Variants in PEAK1 observed in about 807,000 individuals in gnomAD.
PEAK1 encodes the protein inactive tyrosine-protein kinase PEAK1.
Under a neutral mutation model 124.7 loss-of-function variants are expected in PEAK1, and 54 were observed. The ratio of observed to expected loss-of-function variants is 0.43; its 90% confidence interval spans 0.35 to 0.54. The LOEUF is 0.54. Among genes scored for constraint, PEAK1 ranks in the 20% least tolerant of loss-of-function variants. The pLI, the probability that PEAK1 is intolerant of heterozygous loss-of-function variation, is 0.01. For synonymous variants in PEAK1, 719 were observed against 760.0 expected, an observed-to-expected ratio of 0.95 and a Z score of 0.89; for missense variants, 2,046 against 2,134.5, an observed-to-expected ratio of 0.96 and a Z score of 0.82.
chr15:77,254,115 T>C (rs1275809617), intron 5 of PEAK1, among the ~76,000 whole-genome samples: 2 of 152,150 alleles, frequency 1.3e-5, no homozygotes, highest in Non-Finnish European at 2.9e-5. Flanking sequence ...CCACTGCGCC[T>C]GGCCTATCTT....
intron 6 of PEAK1, among the ~76,000 whole-genome samples, chr15:77,247,880 A>AT (rs1180687775): frequency 5.3e-5 from 8 of 151,836 alleles, no homozygotes; most frequent in African/African-American, 1.9e-4. Context: ...ATTTGCCAAT[A>AT]TTTTCTTGAA....
intron 6 of PEAK1, among the ~76,000 whole-genome samples, chr15:77,224,880 A>G (rs2059559113): frequency 1.3e-5 from 2 of 151,854 alleles, no homozygotes; most frequent in Non-Finnish European, 2.9e-5. Context: ...GGTTTTGCCC[A>G]TCTCTTTCCA....
chr15:77,306,075 T>G (rs1392778377), intron 2 of PEAK1, among the ~76,000 whole-genome samples: 1 of 152,208 alleles, frequency 6.6e-6, no homozygotes, highest in African/African-American at 2.4e-5. Context: ...CCAAATTTTA[T>G]ATACACTGTA....
At chr15:77,417,341 G>T (rs768173347) in intron 1 of PEAK1, 3 of 982,952 alleles carry the variant, frequency 3.1e-6, no homozygotes, top group African/African-American at 3.5e-5. Context: ...TGGCCTGAAG[G>T]TTACTAGGAT....
intron 2 of PEAK1, chr15:77,335,383 T>C: frequency 2.0e-6 from 2 of 985,436 alleles, no homozygotes; most frequent in Non-Finnish European, 2.4e-6. Context: ...GTGGTCTTTT[T>C]AATGGAAATT....
intron 8 of PEAK1, among the ~76,000 whole-genome samples, chr15:77,139,936 CT>C (rs1403863032): frequency 6.6e-6 from 1 of 151,828 alleles, no homozygotes; most frequent in Non-Finnish European, 1.5e-5. Flanking sequence ...GCGGCCAGAG[CT>C]TTTGTTTTAT....
At chr15:77,299,139 C>T (rs1417337760) in intron 2 of PEAK1, among the ~76,000 whole-genome samples, 1 of 152,196 alleles carries the variant, frequency 6.6e-6, no homozygotes, top group Non-Finnish European at 1.5e-5. Flanking sequence ...TTTCCACAAT[C>T]TCTTTCTTCT....
In PEAK1 at chr15:77,180,801, C is replaced by G; in HGVS notation, c.1126G>C (p.Asp376His). 1 of 1,614,036 alleles carries G rather than the reference C, an allele frequency of 6.2e-7. No individual in the cohort carries two copies. Among genetic ancestry groups the G allele is most frequent in the Non-Finnish European group, 8.5e-7 (1 of 1,179,984 alleles). Residue 376 changes from aspartate to histidine, a missense_variant, in exon 7 of 10, where the codon GAT (aspartate) becomes CAT (histidine). Transcript: ENST00000682557. ...NGGLSPGNPG[D>H]SKDMKEIEPN... The stretch of plus-strand genomic sequence containing the variant: ...TCAATTTCCTTCATGTCCTTAGAAT[C>G]TCCTGGGTTACCAGGAGATAATCCC...
intron 2 of PEAK1, among the ~76,000 whole-genome samples, chr15:77,322,812 C>A (rs1472719732): frequency 6.6e-6 from 1 of 152,142 alleles, no homozygotes; most frequent in Non-Finnish European, 1.5e-5. Context: ...CAAAGCCTGG[C>A]AGAGACACAA....
At chr15:77,164,143 C>G (rs1418744234) in intron 7 of PEAK1, among the ~76,000 whole-genome samples, 2 of 152,180 alleles carry the variant, frequency 1.3e-5, no homozygotes, top group African/African-American at 4.8e-5. Flanking sequence ...ATTTCTTAAT[C>G]TTTAGTTTCC....
At chr15:77,299,235 C>T (rs2063666214) in intron 2 of PEAK1, among the ~76,000 whole-genome samples, 1 of 152,112 alleles carries the variant, frequency 6.6e-6, no homozygotes, top group South Asian at 2.1e-4. Context: ...CAGATGTATT[C>T]TTAATGAATG....
chr15:77,183,837 T>C (rs1007415730), intron 6 of PEAK1, among the ~76,000 whole-genome samples: 1 of 151,312 alleles, frequency 6.6e-6, no homozygotes, highest in African/African-American at 2.4e-5. Context: ...ATTTTTGATC[T>C]TTTTTTTTGA....
chr15:77,324,408 A>G (rs1452634822), intron 2 of PEAK1, among the ~76,000 whole-genome samples: 2 of 152,216 alleles, frequency 1.3e-5, no homozygotes, highest in East Asian at 3.9e-4. Context: ...TTGAATCCAG[A>G]AGGCGGAGGC....
At chr15:77,151,860 A>T (rs2054656320) in intron 8 of PEAK1, among the ~76,000 whole-genome samples, 1 of 152,076 alleles carries the variant, frequency 6.6e-6, no homozygotes, top group Non-Finnish European at 1.5e-5. Context: ...GTTCTGTTCC[A>T]TTGATCTATA....
chr15:77,251,177 A>T (rs2060863851), intron 6 of PEAK1, among the ~76,000 whole-genome samples: 1 of 152,236 alleles, frequency 6.6e-6, no homozygotes, highest in Non-Finnish European at 1.5e-5. Context: ...CTAGGATTTC[A>T]AGTAAAAAAT....
intron 6 of PEAK1, among the ~76,000 whole-genome samples, chr15:77,187,127 A>G (rs2057585831): frequency 1.3e-5 from 2 of 152,240 alleles, no homozygotes; most frequent in South Asian, 2.1e-4. Context: ...CACATTCCTT[A>G]TAATCTCAAA....
chr15:77,302,014 G>T (rs1192710948), intron 2 of PEAK1, among the ~76,000 whole-genome samples: 2 of 152,110 alleles, frequency 1.3e-5, no homozygotes, highest in African/African-American at 4.8e-5. Flanking sequence ...TGGCTCCTGT[G>T]TCCCCTTGAC....
At position 77,203,435 on chromosome 15, in the gene PEAK1, G is replaced by GT. The variant is rs1462491014; in HGVS notation, c.-114-21396dup. 2.2e-4 allele frequency among the ~76,000 whole-genome samples: 33 copies of GT among 152,234 alleles called. 1 individual carries two copies. Among genetic ancestry groups the GT allele is most frequent in the Admixed American group, 2.1e-3 (32 of 15,292 alleles). On this transcript the variant is annotated intron_variant, in intron 6 of 9. Coordinates refer to ENST00000682557, the MANE Select transcript of PEAK1 (RefSeq NM_001385026.1). The stretch of plus-strand genomic sequence containing the variant: ...AATACAATGATGAAGTTTTATTCTT[G>GT]TGTTTTAAAATCAAGAGCACAACCC...
At chr15:77,162,221 C>T (rs1022548743) in intron 7 of PEAK1, among the ~76,000 whole-genome samples, 11 of 151,792 alleles carry the variant, frequency 7.2e-5, no homozygotes, top group African/African-American at 1.9e-4. Context: ...AGGCTGGGTG[C>T]GGTGGCTCAA....
Sources: gnomAD v4.1 joint callset for allele counts (sites outside exome capture counted in the v4.1 genomes callset) on GRCh38, gnomAD v4.1.1 for gene constraint, MANE v1.5 for transcripts, NCBI Gene and HGNC (gene_info 2026-07-23, HGNC 2026-07-21) for gene names.